Variants in NEBL observed in about 807,000 individuals in gnomAD.
NEBL encodes the protein nebulette.
NEBL carries 122 observed loss-of-function variants against 140.2 expected under a neutral mutation model. That is an observed-to-expected ratio of 0.87 (90% CI 0.75 to 1.01). The LOEUF is 1.01. Ranked by LOEUF, NEBL falls within the 50% of genes least tolerant of loss-of-function variation. The pLI is 0.00. For synonymous variants in NEBL, 436 were observed against 398.9 expected, an observed-to-expected ratio of 1.09 and a Z score of -1.11; for missense variants, 1,365 against 1,231.3, an observed-to-expected ratio of 1.11 and a Z score of -1.62.
In NEBL at chr10:20,850,464, C is replaced by T. The variant is rs1448794300; in HGVS notation, c.1047G>A (p.Lys349=). The T allele has an allele frequency of 1.2e-6, 2 of 1,611,522 alleles. No homozygotes were observed. The highest frequency in any genetic ancestry group is 1.7e-6 in the Non-Finnish European group (2 of 1,177,756). ...YKEEYEKNKG[K]PMLEFVETPS... ...GTGTCTCAACAAATTCAAGCATTGG[C>T]TTTCCCTTATTTTTCTCATATTCTT... is the stretch of plus-strand genomic sequence containing the variant. Residue 349 remains lysine, a synonymous_variant, in exon 11 of 28, where the codon AAG becomes AAA. Coordinates refer to ENST00000377122, the MANE Select transcript of NEBL (RefSeq NM_006393.3).
At chr10:20,813,466 T>G (rs912020341) in intron 23 of NEBL, among the ~76,000 whole-genome samples, 1 of 152,126 alleles carries the variant, frequency 6.6e-6, no homozygotes, top group African/African-American at 2.4e-5. Context: ...GTCCAGGAGA[T>G]AGTTGTGTAA....
At position 20,880,863 on chromosome 10, in the gene NEBL, T is replaced by G; in HGVS notation, c.411A>C (p.Ser137=). The G allele has an allele frequency of 6.2e-7, 1 of 1,614,138 alleles. No homozygotes were observed. Among genetic ancestry groups the G allele is most frequent in the Non-Finnish European group, 8.5e-7 (1 of 1,180,018 alleles). The change falls in exon 5 of 28, where the codon TCA becomes TCC. Residue 137 remains serine, a synonymous_variant. Coordinates refer to ENST00000377122, the MANE Select transcript of NEBL (RefSeq NM_006393.3). ...GGGGCTCCTTCATGTGGGCATAATCTGAGAATCCTTTGGCAGCATCATGTT... is the reference window on the plus strand; with the variant it reads ...GGGGCTCCTTCATGTGGGCATAATCGGAGAATCCTTTGGCAGCATCATGTT... ...KQKHDAAKGF[S]DYAHMKEPPE...
chr10:20,801,387 GT>G, intron 26 of NEBL, among the ~76,000 whole-genome samples: 1 of 151,808 alleles, frequency 6.6e-6, no homozygotes, highest in South Asian at 2.1e-4. Flanking sequence ...AGTAGAGAAG[GT>G]TTTTTGCCAT....
rs12782818 is a variant in NEBL at position 21,185,488 on chromosome 10, T to A, written n.349-13011A>T. Among the ~76,000 whole-genome samples, 13 of 25,644 alleles carry A rather than the reference T, an allele frequency of 5.1e-4. 2 individuals are homozygous for A. The African/African-American group carries it at 0.012, about 24-fold the overall frequency. 16.8% of individuals were successfully genotyped at this position (25,644 alleles called of 152,430 possible). ...TCTCTTTCGGTTCCATTTTCTTTCC[T>A]TTTTTTTTTTTTTTTTTTTTTTTTT... On this transcript the variant is annotated intron_variant and non_coding_transcript_variant, in intron 3 of 8. Transcript: ENST00000675702.
At chr10:20,957,146 T>G (rs145550258) in intron 4 of NEBL, among the ~76,000 whole-genome samples, 85 of 152,318 alleles carry the variant, frequency 5.6e-4, no homozygotes, top group African/African-American at 2.0e-3. Flanking sequence ...TAATAGCCCA[T>G]AGACACTACT....
intron 26 of NEBL, among the ~76,000 whole-genome samples, chr10:20,805,718 T>C (rs150110895): frequency 0.011 from 1,733 of 152,190 alleles, 30 homozygotes; most frequent in African/African-American, 0.038. Flanking sequence ...CCAAGTGTGG[T>C]GGCGTGCACC....
At chr10:20,812,394 C>T (rs535809800) in intron 24 of NEBL, among the ~76,000 whole-genome samples, 1 of 151,956 alleles carries the variant, frequency 6.6e-6, no homozygotes, top group South Asian at 2.1e-4. Flanking sequence ...CATACGTATA[C>T]ATGTGCCACG....
intron 2 of NEBL, among the ~76,000 whole-genome samples, chr10:21,039,244 T>G (rs1834155142): frequency 6.6e-6 from 1 of 152,192 alleles, no homozygotes; most frequent in South Asian, 2.1e-4. Context: ...ATCTCATTTG[T>G]CAATTTTGGC....
intron 4 of NEBL, among the ~76,000 whole-genome samples, chr10:20,903,596 G>A: frequency 6.6e-6 from 1 of 152,260 alleles, no homozygotes; most frequent in East Asian, 1.9e-4. Context: ...ATTCGCAATG[G>A]CAAGGATACG....
chr10:20,956,835 C>G (rs1835829501), intron 4 of NEBL, among the ~76,000 whole-genome samples: 1 of 152,056 alleles, frequency 6.6e-6, no homozygotes, highest in Non-Finnish European at 1.5e-5. Context: ...TGTTCAGATT[C>G]ATGTAAGACC....
At chr10:21,265,477 A>G (rs1842787763) in intron 1 of NEBL, among the ~76,000 whole-genome samples, 1 of 152,194 alleles carries the variant, frequency 6.6e-6, no homozygotes, top group South Asian at 2.1e-4. Context: ...TAGTCTTTGA[A>G]TTTAAGAAGC....
In NEBL at chr10:20,924,578, T is replaced by C. The variant is rs546234787; in HGVS notation, c.357+37094A>G. Among the ~76,000 whole-genome samples, 3 of 148,652 alleles carry C rather than the reference T, an allele frequency of 2.0e-5. No homozygotes were observed. The South Asian group carries it at 6.4e-4, about 31-fold the overall frequency. ...TAAGCACCAAGCACATAACTACATA[T>C]AGGGCTCTGGTCATTTCTGATGAAA... On this transcript the variant is annotated intron_variant, in intron 4 of 6. Transcript: ENST00000417816.
Position 21,287,569 on chromosome 10 carries a change from C to T in NEBL, n.182+5261G>A, listed in dbSNP as rs185468558. Among the ~76,000 whole-genome samples, 463 of 152,134 alleles carry T rather than the reference C, an allele frequency of 3.0e-3. 3 individuals are homozygous for T. Among genetic ancestry groups the T allele is most frequent in the Admixed American group, 5.0e-3 (77 of 15,284 alleles). On this transcript the variant is annotated intron_variant and non_coding_transcript_variant, in intron 1 of 8. Coordinates refer to the NEBL transcript ENST00000675702. The stretch of plus-strand genomic sequence containing the variant: ...AGAGTCAAAGGGTTGAAAGTATGTT[C>T]AACTCTACATACAATAAGAGAAATG...
At chr10:20,899,884 A>G (rs1847777673), upstream of NEBL, among the ~76,000 whole-genome samples, 1 of 152,218 alleles carries the variant, frequency 6.6e-6, no homozygotes, top group African/African-American at 2.4e-5. Context: ...AGACACCATT[A>G]CTTTTGATTG....
At chr10:21,103,353 A>G (rs1283014393) in intron 2 of NEBL, among the ~76,000 whole-genome samples, 1 of 151,822 alleles carries the variant, frequency 6.6e-6, no homozygotes, top group Non-Finnish European at 1.5e-5. Flanking sequence ...AGCTGGAACT[A>G]CAGGCACCCG....
Position 21,159,344 on chromosome 10 carries a change from T to C in NEBL, c.164+13039A>G, listed in dbSNP as rs757053261. 9.9e-5 allele frequency among the ~76,000 whole-genome samples: 15 copies of C among 152,120 alleles called. 1 individual carries two copies. The highest frequency in any genetic ancestry group is 1.8e-4 in the Non-Finnish European group (12 of 68,026). On this transcript the variant is annotated intron_variant, in intron 2 of 6. Coordinates refer to the NEBL transcript ENST00000417816. ...TCTTAGAGTTTCTGAGAACCTAAGATTTCTTGAACAAGCACAGCCTTTCCT... is the reference window on the plus strand; with the variant it reads ...TCTTAGAGTTTCTGAGAACCTAAGACTTCTTGAACAAGCACAGCCTTTCCT...
At chr10:21,039,689 C>T (rs1483801762) in intron 2 of NEBL, among the ~76,000 whole-genome samples, 2 of 152,192 alleles carry the variant, frequency 1.3e-5, no homozygotes, top group Non-Finnish European at 2.9e-5. Context: ...CACCTCACAG[C>T]TCAGTACATG....
Position 21,182,075 on chromosome 10 carries a change from C to T in NEBL, n.349-9598G>A, listed in dbSNP as rs1032410883. 3.3e-5 allele frequency among the ~76,000 whole-genome samples: 5 copies of T among 151,690 alleles called. No homozygotes were observed. The East Asian group carries it at 7.7e-4, about 23-fold the overall frequency. ...AAGGGAAACTCAAGAACAAAAATGG[C>T]GGAGGGCTAAGACTCATTTTAAAAA... On this transcript the variant is annotated intron_variant and non_coding_transcript_variant, in intron 3 of 8. Coordinates refer to the NEBL transcript ENST00000675702.
intron 2 of NEBL, among the ~76,000 whole-genome samples, chr10:21,053,775 G>A (rs770985026): frequency 1.6e-4 from 24 of 152,264 alleles, no homozygotes; most frequent in Middle Eastern, 3.4e-3. Flanking sequence ...GCTCAAATCT[G>A]TAATCCCAGC....
Sources: gnomAD v4.1 joint callset for allele counts (sites outside exome capture counted in the v4.1 genomes callset) on GRCh38, gnomAD v4.1.1 for gene constraint, MANE v1.5 for transcripts, NCBI Gene and HGNC (gene_info 2026-07-23, HGNC 2026-07-21) for gene names.